Variants in TXN observed in about 807,000 individuals in gnomAD.
The protein encoded by TXN is thioredoxin.
A neutral mutation model predicts 16.5 loss-of-function variants in TXN; 10 were observed. The ratio of observed to expected loss-of-function variants is 0.61; its 90% CI spans 0.37 to 1.03. TXN has a LOEUF of 1.03. TXN is among the 50% of genes least tolerant of loss of function. The probability of loss-of-function intolerance (pLI) is 0.01; values close to 1 mark genes in which losing one functional copy is unlikely to be tolerated. For synonymous variants in TXN, 35 were observed against 39.4 expected (o/e 0.89, Z 0.42); for missense variants, 71 against 122.5 (o/e 0.58, Z 1.98).
At chr9:110,247,884 G>A (rs945599948) in intron 3 of TXN, among the ~76,000 whole-genome samples, 4 of 152,118 alleles carry the variant, frequency 2.6e-5, no homozygotes, top group African/African-American at 4.8e-5. Flanking sequence ...GAGATGAAAG[G>A]TCCATGCATG....
intron 3 of TXN, among the ~76,000 whole-genome samples, chr9:110,250,349 GTTTA>G (rs1837715854): frequency 6.6e-6 from 1 of 152,200 alleles, no homozygotes; most frequent in Non-Finnish European, 1.5e-5. Flanking sequence ...GTACCTTGGT[GTTTA>G]TTTGTTAAAA....
chr9:110,253,715 T>C (rs1185994038), intron 1 of TXN, among the ~76,000 whole-genome samples: 1 of 152,212 alleles, frequency 6.6e-6, no homozygotes, highest in Admixed American at 6.5e-5. Context: ...TAACTGAACA[T>C]GAGTTACACC....
chr9:110,256,109 C>A lies in TXN; in HGVS notation c.24+303G>T, dbSNP rs1837806391. On this transcript the variant is annotated intron_variant, in intron 1 of 4. Coordinates refer to ENST00000374517, the MANE Select transcript of TXN (RefSeq NM_003329.4). This position sits in a 1 kb window ranked among gnomAD's most constrained non-coding sequence, Gnocchi z 4.2. ...CGCTCTCACATCCCCCGGACGCTCC[C>A]CGCGTGCGTGCAATCCCCCGAGGAA... Among the ~76,000 whole-genome samples the A allele has an allele frequency of 6.6e-6, 1 of 152,196 alleles. No individual in the cohort carries two copies. The highest frequency in any genetic ancestry group is 2.1e-4 in the South Asian group (1 of 4,836).
intron 3 of TXN, among the ~76,000 whole-genome samples, chr9:110,245,649 TA>T (rs1224774298): frequency 0.018 from 430 of 23,960 alleles, 8 homozygotes; most frequent in Non-Finnish European, 0.023. Context: ...TATATATATA[TA>T]TATATTTTTT....
chr9:110,245,741 C>T (rs1177398200), intron 3 of TXN, among the ~76,000 whole-genome samples: 13 of 146,084 alleles, frequency 8.9e-5, no homozygotes, highest in Non-Finnish European at 1.6e-4. Flanking sequence ...GATCCACCTT[C>T]CTCGGGCTCC....
At chr9:110,255,514 T>C (rs1314162046) in intron 1 of TXN, among the ~76,000 whole-genome samples, 1 of 152,298 alleles carries the variant, frequency 6.6e-6, no homozygotes, top group East Asian at 1.9e-4. Flanking sequence ...GCGCGGCTGC[T>C]CCCAGGAGGA....
intron 3 of TXN, among the ~76,000 whole-genome samples, chr9:110,245,648 A>G (rs1168540959): frequency 8.5e-5 from 2 of 23,528 alleles, no homozygotes; most frequent in Non-Finnish European, 1.4e-4. Context: ...ATATATATAT[A>G]TATATATTTT....
At chr9:110,252,233 A>ATAAATAAAT (rs755020357) in intron 1 of TXN, among the ~76,000 whole-genome samples, 5,719 of 150,330 alleles carry the variant, frequency 0.038, 332 homozygotes, top group East Asian at 0.072. Flanking sequence ...CAAAAAAAAA[A>ATAAATAAAT]AAAAAAAAAA....
At position 110,256,487 on chromosome 9, in the gene TXN, C is replaced by T; in HGVS notation, c.-52G>A. 1 of 1,576,192 alleles carries T rather than the reference C, an allele frequency of 6.3e-7. No homozygotes were observed. The highest frequency in any genetic ancestry group is 8.6e-7 in the Non-Finnish European group (1 of 1,157,058). On this transcript the variant is annotated 5_prime_UTR_variant, in exon 1 of 5. Coordinates refer to ENST00000374517, the MANE Select transcript of TXN (RefSeq NM_003329.4). The surrounding 1 kb of genome is among the most constrained non-coding windows in gnomAD (Gnocchi z 4.2). ...CTGTAAGGACCGATGGAAATGGATC[C>T]AAAGCACCAAACAGAGCTTCAAGAC... is the stretch of plus-strand genomic sequence containing the variant.
intron 3 of TXN, among the ~76,000 whole-genome samples, chr9:110,247,893 T>A (rs904296067): frequency 6.6e-6 from 1 of 152,194 alleles, no homozygotes; most frequent in African/African-American, 2.4e-5. Flanking sequence ...GGTCCATGCA[T>A]GTTACTGTCC....
At chr9:110,245,405 A>G (rs1323793009) in intron 3 of TXN, among the ~76,000 whole-genome samples, 1 of 151,078 alleles carries the variant, frequency 6.6e-6, no homozygotes. Context: ...CACTGGGTTT[A>G]CTGATTATTA....
intron 3 of TXN, among the ~76,000 whole-genome samples, chr9:110,250,437 G>C (rs1362051031): frequency 1.3e-5 from 2 of 152,206 alleles, no homozygotes; most frequent in African/African-American, 2.4e-5. Flanking sequence ...TCATGCTACT[G>C]CAAGTTCACA....
intron 1 of TXN, among the ~76,000 whole-genome samples, chr9:110,252,156 G>A (rs1326032656): frequency 6.8e-6 from 1 of 146,912 alleles, no homozygotes; most frequent in Admixed American, 7.0e-5. Context: ...CTCAGGAGGC[G>A]GAGGTTGCAG....
At chr9:110,250,764 A>G (rs1029976845) in intron 3 of TXN, 56 bp downstream of exon 3, 13 of 1,294,028 alleles carry the variant, frequency 1.0e-5, no homozygotes, top group Non-Finnish European at 1.4e-5. Flanking sequence ...TGTGCAATTC[A>G]GAGAAAAAGG....
At chr9:110,249,552 C>T (rs1446888510) in intron 3 of TXN, among the ~76,000 whole-genome samples, 2 of 151,910 alleles carry the variant, frequency 1.3e-5, no homozygotes. Flanking sequence ...GCACACAAGG[C>T]GGTAAGTGGA....
At chr9:110,247,046 G>A (rs1199484979) in intron 3 of TXN, among the ~76,000 whole-genome samples, 2 of 152,192 alleles carry the variant, frequency 1.3e-5, no homozygotes, top group African/African-American at 2.4e-5. Context: ...TTTCAGGCCA[G>A]GCACGGTAGC....
chr9:110,255,162 C>G (rs1186603035), intron 1 of TXN, among the ~76,000 whole-genome samples: 1 of 152,220 alleles, frequency 6.6e-6, no homozygotes, highest in African/African-American at 2.4e-5. Flanking sequence ...GAAGCCCACC[C>G]GGCACCAAAC....
intron 1 of TXN, among the ~76,000 whole-genome samples, 162 bp from the exon 2 acceptor site, chr9:110,251,624 A>G (rs1480967464): frequency 7.3e-6 from 1 of 136,256 alleles, no homozygotes; most frequent in East Asian, 2.0e-4. Context: ...TCCCCAAACA[A>G]GCCAAATAAA....
intron 1 of TXN, among the ~76,000 whole-genome samples, chr9:110,255,670 C>T (rs2118585905): frequency 6.6e-6 from 1 of 152,350 alleles, no homozygotes; most frequent in East Asian, 1.9e-4. Flanking sequence ...GTCCCGTGGG[C>T]GCGGCCCGGA....
Sources: allele counts gnomAD v4.1 joint callset (sites outside exome capture counted in the v4.1 genomes callset), GRCh38; gene constraint gnomAD v4.1.1; non-coding constraint Gnocchi (gnomAD v3.1); transcripts MANE v1.5; gene names NCBI Gene and HGNC (gene_info 2026-07-23, HGNC 2026-07-21).